ANKDD1A: variants seen among roughly 807,000 people sequenced by gnomAD.
The protein encoded by ANKDD1A is ankyrin repeat and death domain containing 1A.
ANKDD1A carries 59 observed loss-of-function variants against 63.5 expected under a neutral mutation model. That is an observed-to-expected ratio of 0.93 (90% CI 0.75 to 1.15). The LOEUF (loss-of-function observed/expected upper bound fraction) is 1.15, where lower values mean the gene tolerates loss of function less well. ANKDD1A is among the 50% of genes most tolerant of loss of function. ANKDD1A has a pLI of 0.00. For synonymous variants in ANKDD1A, 266 were observed against 263.9 expected (o/e 1.01, Z -0.08); for missense variants, 632 against 656.4 (o/e 0.96, Z 0.41).
intron 14 of ANKDD1A, among the ~76,000 whole-genome samples, chr15:64,954,403 TCCTCTTCTTCCTC>T (rs1302077127): frequency 0.014 from 1,998 of 147,338 alleles, 47 homozygotes; most frequent in African/African-American, 0.046. Context: ...TCTTCTTCCT[TCCTCTTCTTCCTC>T]CTCTCCTCCT....
At chr15:64,921,170 C>T (rs2085004316) in intron 3 of ANKDD1A, among the ~76,000 whole-genome samples, 1 of 149,980 alleles carries the variant, frequency 6.7e-6, no homozygotes, top group African/African-American at 2.5e-5. Context: ...GATGGGGGTC[C>T]CCCTATTTTG....
chr15:64,950,765 C>G (rs1366759768), intron 14 of ANKDD1A: 37 of 863,694 alleles, frequency 4.3e-5, no homozygotes, highest in Non-Finnish European at 4.7e-5. Context: ...CTGCTATAGG[C>G]AAGGTGGAAA....
intron 13 of ANKDD1A, among the ~76,000 whole-genome samples, chr15:64,949,506 A>G (rs2085251754): frequency 6.6e-6 from 1 of 152,208 alleles, no homozygotes; most frequent in Admixed American, 6.5e-5. Flanking sequence ...TTTGTGCATC[A>G]TGGTACCACA....
In ANKDD1A at chr15:64,942,455, C is replaced by T. The variant is rs747013707; in HGVS notation, c.868-12C>T. 1.0e-4 allele frequency: 167 copies of T among 1,602,646 alleles called. 1 individual carries two copies. The highest frequency in any genetic ancestry group is 1.3e-4 in the Non-Finnish European group (154 of 1,172,734). ...GGGACTGGTCGATTGATCCGTGTAT[C>T]TCCTCCCACAGCAGGGTGCCTCTCC... On this transcript the variant is annotated splice_polypyrimidine_tract_variant and intron_variant, in intron 9 of 14. Transcript: ENST00000319580.
At position 64,939,968 on chromosome 15, in the gene ANKDD1A, C is replaced by T. The variant is rs371258418; in HGVS notation, c.868-2499C>T. Among the ~76,000 whole-genome samples, 29 of 152,100 alleles carry T rather than the reference C, an allele frequency of 1.9e-4. No individual in the cohort carries two copies. The South Asian group carries it at 5.4e-3, about 28-fold the overall frequency. The stretch of plus-strand genomic sequence containing the variant: ...TAGACTTGACACCAGAAACATGATC[C>T]ATTGAAGCAAAAATTTGATTAATTG... On this transcript the variant is annotated intron_variant, in intron 9 of 14. Transcript: ENST00000319580.
intron 6 of ANKDD1A, among the ~76,000 whole-genome samples, chr15:64,927,843 G>C (rs1395796022): frequency 6.6e-6 from 1 of 152,040 alleles, no homozygotes; most frequent in Admixed American, 6.6e-5. Context: ...CTGACCTCGT[G>C]ATCCACCCGC....
chr15:64,954,718 T>TCTCCTCCTC (rs200945819), intron 14 of ANKDD1A, among the ~76,000 whole-genome samples: 1 of 141,146 alleles, frequency 7.1e-6, no homozygotes, highest in South Asian at 2.3e-4. Flanking sequence ...TTCTTCTCCT[T>TCTCCTCCTC]CTCCTCCTCC....
intron 4 of ANKDD1A, among the ~76,000 whole-genome samples, chr15:64,924,913 G>A (rs1175181446): frequency 4.6e-5 from 7 of 152,100 alleles, no homozygotes; most frequent in Admixed American, 4.6e-4. Context: ...ATATCAAGGG[G>A]TCCATGATAC....
chr15:64,922,142 C>A, intron 4 of ANKDD1A, 123 bp downstream of exon 4: 1 of 778,662 alleles, frequency 1.3e-6, no homozygotes, highest in Non-Finnish European at 2.1e-6. Context: ...CTCTGCCTGT[C>A]CCTCTTTCAT....
At chr15:64,949,669 C>T (rs2085253660) in intron 13 of ANKDD1A, among the ~76,000 whole-genome samples, 172 bp from the exon 14 acceptor site, 1 of 152,194 alleles carries the variant, frequency 6.6e-6, no homozygotes, top group Non-Finnish European at 1.5e-5. Flanking sequence ...CTCCCCTTAC[C>T]TATCTCCAGG....
chr15:64,939,745 A>C (rs534468181), intron 9 of ANKDD1A, among the ~76,000 whole-genome samples: 2 of 152,380 alleles, frequency 1.3e-5, no homozygotes, highest in South Asian at 4.1e-4. Context: ...CAGTGGAAGA[A>C]GGTTTGATAG....
chr15:64,946,154 TA>T (rs1566913892), intron 12 of ANKDD1A, among the ~76,000 whole-genome samples: 1 of 152,184 alleles, frequency 6.6e-6, no homozygotes, highest in East Asian at 1.9e-4. Flanking sequence ...TAAACTAACT[TA>T]AACATTGAAA....
rs1341740752 is a variant in ANKDD1A, at chr15:64,953,369, CCTTCTTTTCCTTTCTTCTT to C, written c.1483+3401_1483+3419del. ...CTTCTTCTTAGTTCTTCTTTCTTCT[CCTTCTTTTCCTTTCTTCTT>C]CTTAGTTCTCCTTTTCTTCTCCTCC... On this transcript the variant is annotated intron_variant, in intron 14 of 14. Transcript: ENST00000319580. 5.4e-3 allele frequency among the ~76,000 whole-genome samples: 712 copies of C among 132,132 alleles called. 5 individuals are homozygous for C. Among genetic ancestry groups the C allele is most frequent in the African/African-American group, 0.019 (679 of 35,578 alleles). The allele number at this position is 132,132 out of a possible 152,430, so 86.7% of individuals were successfully genotyped here.
intron 12 of ANKDD1A, among the ~76,000 whole-genome samples, chr15:64,945,635 CT>C (rs1264262046): frequency 1.2e-5 from 1 of 85,398 alleles, no homozygotes; most frequent in African/African-American, 5.3e-5. Context: ...TATATATGAA[CT>C]TTTTTTTTTT....
At chr15:64,940,561 T>C (rs2140377938) in intron 9 of ANKDD1A, among the ~76,000 whole-genome samples, 1 of 151,662 alleles carries the variant, frequency 6.6e-6, no homozygotes, top group African/African-American at 2.4e-5. Context: ...GCCTCCCGAG[T>C]AGCTGGGACT....
At chr15:64,938,027 GTCAACTC>G (rs2085149299) in intron 9 of ANKDD1A, among the ~76,000 whole-genome samples, 1 of 152,104 alleles carries the variant, frequency 6.6e-6, no homozygotes, top group Admixed American at 6.6e-5. Flanking sequence ...GCTCCCAATG[GTCAACTC>G]TGAAACTACT....
In ANKDD1A at chr15:64,935,542, T is replaced by G. The variant is rs542702710; in HGVS notation, c.867+1308T>G. Reference sequence around the variant, plus strand: ...TACAAAAAATTAGCCGGGCTTTGTGTCAGGCGCCTGTAGTCCCAGCTACTC... The same window carrying G: ...TACAAAAAATTAGCCGGGCTTTGTGGCAGGCGCCTGTAGTCCCAGCTACTC... On this transcript the variant is annotated intron_variant, in intron 9 of 14. Transcript: ENST00000319580. Among the ~76,000 whole-genome samples, 6 of 151,978 alleles carry G rather than the reference T, an allele frequency of 3.9e-5. No homozygotes were observed. The South Asian group carries it at 1.0e-3, about 26-fold the overall frequency.
intron 14 of ANKDD1A, among the ~76,000 whole-genome samples, chr15:64,956,094 T>C (rs1169694924): frequency 1.3e-5 from 2 of 151,972 alleles, no homozygotes; most frequent in Non-Finnish European, 2.9e-5. Context: ...CAGGATAAAT[T>C]AAGTGGAAAA....
chr15:64,953,216 TCTTG>T (rs2085334760), intron 14 of ANKDD1A, among the ~76,000 whole-genome samples: 2 of 149,880 alleles, frequency 1.3e-5, no homozygotes, highest in African/African-American at 4.9e-5. Context: ...TCTCCTTCTT[TCTTG>T]TTCCTTATTC....
Sources: allele counts gnomAD v4.1 joint callset (sites outside exome capture counted in the v4.1 genomes callset), GRCh38; gene constraint gnomAD v4.1.1; transcripts MANE v1.5; gene names NCBI Gene and HGNC (gene_info 2026-07-23, HGNC 2026-07-21).